Variants in PAPPA observed in about 807,000 individuals in gnomAD.
The protein encoded by PAPPA is pappalysin 1, also known as pappalysin-1.
A neutral mutation model predicts 164.0 loss-of-function variants in PAPPA; 60 were observed. That is an observed-to-expected ratio of 0.37 (90% CI 0.30 to 0.45). The LOEUF is 0.45. Ranked by LOEUF, PAPPA falls within the 20% of genes least tolerant of loss-of-function variation. The pLI, the probability that PAPPA is intolerant of heterozygous loss-of-function variation, is 1.00. For synonymous variants in PAPPA, 875 were observed against 814.1 expected, an observed-to-expected ratio of 1.07 and a Z score of -1.27; for missense variants, 1,782 against 2,087.3, an observed-to-expected ratio of 0.85 and a Z score of 2.85.
intron 10 of PAPPA, among the ~76,000 whole-genome samples, chr9:116,310,495 A>G (rs377179007): frequency 6.6e-6 from 1 of 152,154 alleles, no homozygotes; most frequent in Non-Finnish European, 1.5e-5. Context: ...CAGGAAAGTA[A>G]AAATCAGAGC....
chr9:116,299,508 T>A (rs917771798), intron 9 of PAPPA, among the ~76,000 whole-genome samples: 1 of 152,186 alleles, frequency 6.6e-6, no homozygotes, highest in African/African-American at 2.4e-5. Context: ...GGTTTTTTGC[T>A]AAGGAAATTA....
chr9:116,196,931 A>G (rs1564180427), intron 2 of PAPPA, among the ~76,000 whole-genome samples: 1 of 152,180 alleles, frequency 6.6e-6, no homozygotes, highest in African/African-American at 2.4e-5. Context: ...AACTATTTTT[A>G]TGGCCACAGA....
chr9:116,233,978 A>C (rs1470154204), intron 6 of PAPPA, among the ~76,000 whole-genome samples: 3 of 152,036 alleles, frequency 2.0e-5, no homozygotes, highest in Non-Finnish European at 4.4e-5. Flanking sequence ...TTGAGCCTGC[A>C]ATGAGCTACA....
At chr9:116,374,508 G>A (rs558968597) in intron 19 of PAPPA, among the ~76,000 whole-genome samples, 1 of 152,232 alleles carries the variant, frequency 6.6e-6, no homozygotes, top group African/African-American at 2.4e-5. Context: ...AGACAGGTGG[G>A]GCGTGCAGCC....
intron 9 of PAPPA, among the ~76,000 whole-genome samples, chr9:116,299,770 C>A (rs1484592740): frequency 2.6e-5 from 4 of 152,286 alleles, no homozygotes; most frequent in South Asian, 2.1e-4. Flanking sequence ...ATGGCTTCTT[C>A]CTCAAGCTCA....
At chr9:116,323,502 G>A (rs900250922) in intron 10 of PAPPA, among the ~76,000 whole-genome samples, 37 of 152,130 alleles carry the variant, frequency 2.4e-4, no homozygotes, top group African/African-American at 8.7e-4. Context: ...TCTGGACAAA[G>A]GATTTCCCCA....
chr9:116,344,497 G>A (rs903221982), intron 13 of PAPPA, 46 bp from the exon 14 acceptor site: 2 of 1,580,586 alleles, frequency 1.3e-6, no homozygotes, highest in South Asian at 1.1e-5. Context: ...GAGCATAGCT[G>A]TCCTGTGAGG....
At chr9:116,383,142 G>A (rs1588029550) in intron 21 of PAPPA, among the ~76,000 whole-genome samples, 1 of 152,182 alleles carries the variant, frequency 6.6e-6, no homozygotes, top group Non-Finnish European at 1.5e-5. Context: ...AAAAACATTC[G>A]ATAGATGCAC....
intron 6 of PAPPA, among the ~76,000 whole-genome samples, chr9:116,228,930 T>C (rs566519206): frequency 4.8e-4 from 73 of 152,308 alleles, no homozygotes; most frequent in Non-Finnish European, 9.3e-4. Flanking sequence ...ACATTTTGCA[T>C]GCTTGTATCT....
chr9:116,161,153 C>T (rs1361699209), intron 1 of PAPPA, among the ~76,000 whole-genome samples: 1 of 152,148 alleles, frequency 6.6e-6, no homozygotes. Flanking sequence ...TGGAAAGGTG[C>T]TTTTATTATG....
intron 7 of PAPPA, among the ~76,000 whole-genome samples, chr9:116,237,001 G>T (rs1844676311): frequency 6.6e-6 from 1 of 152,206 alleles, no homozygotes; most frequent in South Asian, 2.1e-4. Context: ...GGTGTCAATG[G>T]TTTCTATAGG....
At chr9:116,217,255 AT>A (rs1844385370) in intron 4 of PAPPA, among the ~76,000 whole-genome samples, 1 of 152,188 alleles carries the variant, frequency 6.6e-6, no homozygotes, top group Non-Finnish European at 1.5e-5. Flanking sequence ...ATCTTGAGAA[AT>A]GCTTTTTGTG....
chr9:116,217,793 C>T (rs953051534), intron 4 of PAPPA, among the ~76,000 whole-genome samples: 15 of 152,234 alleles, frequency 9.9e-5, no homozygotes, highest in Middle Eastern at 3.4e-3. Context: ...TCACTGTCTT[C>T]ACTTCACAGA....
At chr9:116,178,462 C>T (rs575788053) in intron 1 of PAPPA, among the ~76,000 whole-genome samples, 7 of 152,282 alleles carry the variant, frequency 4.6e-5, no homozygotes, top group African/African-American at 1.7e-4. Flanking sequence ...ACAACAATCC[C>T]ATTCTATGCA....
rs988810440 is a variant in PAPPA at position 116,154,785 on chromosome 9, G to A, written c.415+198G>A. 9.2e-5 allele frequency among the ~76,000 whole-genome samples: 14 copies of A among 152,296 alleles called. No individual in the cohort carries two copies. Among genetic ancestry groups the A allele is most frequent in the African/African-American group, 2.9e-4 (12 of 41,582 alleles). ...TCGGTGGAATGGGCACACTCGGAAG[G>A]CGTAGCTGCTCCATCCCTGGGAGGA... is the stretch of plus-strand genomic sequence containing the variant. On this transcript the variant is annotated intron_variant, in intron 1 of 21. Transcript: ENST00000328252. This position sits in a 1 kb window ranked among gnomAD's most constrained non-coding sequence, Gnocchi z 5.2.
chr9:116,299,418 A>G (rs1266261863), intron 9 of PAPPA, among the ~76,000 whole-genome samples: 1 of 152,060 alleles, frequency 6.6e-6, no homozygotes, highest in Non-Finnish European at 1.5e-5. Context: ...AGACAAATTT[A>G]TTGTGGTCTT....
Position 116,398,356 on chromosome 9 carries a change from C to G in PAPPA, c.*1740C>G, listed in dbSNP as rs1405355797. ...GGGATTACTGTAAATCAAGTCATCT[C>G]AAGTCTAGTGAAGACAGCCAACAGA... is the stretch of plus-strand genomic sequence containing the variant. On this transcript the variant is annotated 3_prime_UTR_variant, in exon 22 of 22. Transcript: ENST00000328252. 1 of 325,996 alleles carries G rather than the reference C, an allele frequency of 3.1e-6. No homozygotes were observed. The highest frequency in any genetic ancestry group is 8.2e-5 in the East Asian group (1 of 12,218). 20.2% of individuals were successfully genotyped at this position (325,996 alleles called of 1,614,324 possible).
intron 1 of PAPPA, among the ~76,000 whole-genome samples, chr9:116,156,320 GTA>G (rs144537797): frequency 2.2e-5 from 3 of 137,578 alleles, no homozygotes; most frequent in East Asian, 2.0e-4. Flanking sequence ...ATATATGTGT[GTA>G]TATATATATG....
intron 13 of PAPPA, among the ~76,000 whole-genome samples, chr9:116,339,487 A>G (rs1846106597): frequency 6.6e-6 from 1 of 152,190 alleles, no homozygotes; most frequent in African/African-American, 2.4e-5. Context: ...ACCTTTTAGG[A>G]TCATTCCCCC....
Sources: gnomAD v4.1 joint callset for allele counts (sites outside exome capture counted in the v4.1 genomes callset) on GRCh38, gnomAD v4.1.1 for gene constraint, Gnocchi (gnomAD v3.1) non-coding constraint, MANE v1.5 for transcripts, NCBI Gene and HGNC (gene_info 2026-07-23, HGNC 2026-07-21) for gene names.